Variants in COL10A1 observed in about 807,000 individuals in gnomAD.
COL10A1 encodes collagen type X alpha 1 chain.
In COL10A1, 10 loss-of-function variants were observed where a neutral mutation model predicts 18.2. That is an observed-to-expected ratio of 0.55 (90% CI 0.34 to 0.93). The LOEUF (loss-of-function observed/expected upper bound fraction) is 0.93, where lower values mean the gene tolerates loss of function less well. Among genes scored for constraint, COL10A1 ranks in the 40% least tolerant of loss-of-function variants. COL10A1 has a pLI of 0.02. For synonymous variants in COL10A1, 330 were observed against 316.6 expected, an observed-to-expected ratio of 1.04 and a Z score of -0.45; for missense variants, 897 against 853.5, an observed-to-expected ratio of 1.05 and a Z score of -0.64.
chr6:116,186,512 G>C, the COL10A1 span, among the ~76,000 whole-genome samples: 1 of 151,986 alleles, frequency 6.6e-6, no homozygotes, highest in East Asian at 1.9e-4. Flanking sequence ...AGGAACACCA[G>C]TTGTTCTTAG....
the COL10A1 span, among the ~76,000 whole-genome samples, chr6:116,184,971 G>A: frequency 6.6e-6 from 1 of 151,824 alleles, no homozygotes; most frequent in Non-Finnish European, 1.5e-5. Context: ...ACCTTAGATT[G>A]TCTATTTGTG....
chr6:116,123,574 T>C (rs1779201806), intron 2 of COL10A1, among the ~76,000 whole-genome samples: 1 of 152,256 alleles, frequency 6.6e-6, no homozygotes, highest in African/African-American at 2.4e-5. Flanking sequence ...AACTCTTTTT[T>C]AACCTGTGTT....
upstream of COL10A1, among the ~76,000 whole-genome samples, chr6:116,126,465 A>G (rs1779315259): frequency 6.6e-6 from 1 of 152,132 alleles, no homozygotes; most frequent in Non-Finnish European, 1.5e-5. Context: ...TCTTATGTTA[A>G]TTGGTTGATA....
chr6:116,128,784 A>G (rs559688886), upstream of COL10A1, among the ~76,000 whole-genome samples: 4 of 152,200 alleles, frequency 2.6e-5, no homozygotes, highest in Non-Finnish European at 4.4e-5. Flanking sequence ...TTCAAAGACT[A>G]TATTTTCATG....
chr6:116,125,522 A>G lies in COL10A1; in HGVS notation c.-15-15T>C. On this transcript the variant is annotated splice_polypyrimidine_tract_variant and intron_variant, in intron 1 of 2. Coordinates refer to ENST00000651968, the MANE Select transcript of COL10A1 (RefSeq NM_000493.4). ...TCAGATGGATTCTGAAAAACAGAAAAGAATAACTTTATACAGCATTGTTAT... is the reference window on the plus strand; with the variant it reads ...TCAGATGGATTCTGAAAAACAGAAAGGAATAACTTTATACAGCATTGTTAT... The G allele has an allele frequency of 6.2e-7, 1 of 1,611,340 alleles. No individual in the cohort carries two copies. The highest frequency in any genetic ancestry group is 1.1e-5 in the South Asian group (1 of 90,944).
At chr6:116,158,100 C>CT (rs146267631) in intron 1 of COL10A1, among the ~76,000 whole-genome samples, 1 of 152,142 alleles carries the variant, frequency 6.6e-6, no homozygotes. Context: ...ACTACAAGAA[C>CT]TTTCTAGTTT....
In COL10A1 at chr6:116,120,423, T is replaced by C; in HGVS notation, c.1693A>G (p.Ile565Val). Reference sequence around the variant, plus strand: ...TTATCAAATGGTATGGGAGTTCCTATTGCTGGGTAAGCTTTGGAGAGAATA... The same window carrying C: ...TTATCAAATGGTATGGGAGTTCCTACTGCTGGGTAAGCTTTGGAGAGAATA... Reference protein sequence around the residue: ...TVILSKAYPAIGTPIPFDKIL... With the variant: ...TVILSKAYPAVGTPIPFDKIL... The change falls in exon 3 of 3, where the codon ATA becomes GTA. Residue 565 changes from isoleucine to valine, a missense_variant. By Grantham distance (29) the Ile-to-Val change is conservative. Transcript: ENST00000651968. The C allele has an allele frequency of 6.2e-7, 1 of 1,614,288 alleles. No individual in the cohort carries two copies. The highest frequency in any genetic ancestry group is 1.1e-5 in the South Asian group (1 of 91,088).
In COL10A1 at chr6:116,121,656, C is replaced by T. The variant is rs886060993; in HGVS notation, c.460G>A (p.Val154Met). 1 of 1,614,056 alleles carries T rather than the reference C, an allele frequency of 6.2e-7. No homozygotes were observed. The highest frequency in any genetic ancestry group is 2.2e-5 in the East Asian group (1 of 44,878). Residue 154 changes from valine (V) to methionine (M), a missense_variant, in exon 3 of 3, where the codon GTG becomes ATG. Coordinates refer to ENST00000651968, the MANE Select transcript of COL10A1 (RefSeq NM_000493.4). ...CCCTGTTGTCCAGGTTTTCCTGGCA[C>T]AGAAATTCCAGCCGGTCCAGGGATT... ...PGIPGPAGISVPGKPGQQGPT... is the reference protein window; with the variant it reads ...PGIPGPAGISMPGKPGQQGPT...
At position 116,141,220 on chromosome 6, in the gene COL10A1, C is replaced by T. The variant is rs190623651; in HGVS notation, c.-15-15713G>A. Among the ~76,000 whole-genome samples, 95 of 150,866 alleles carry T rather than the reference C, an allele frequency of 6.3e-4. No individual in the cohort carries two copies. In the Middle Eastern group the frequency reaches 0.01, roughly 17 times the overall value. On this transcript the variant is annotated intron_variant, in intron 1 of 1. Coordinates refer to the COL10A1 transcript ENST00000418500. ...GTTGATTGGCCATTTGTGTTTACTC[C>T]TCTCTCAAATACCTGATTGTACCTT...
chr6:116,153,095 A>G (rs1780090109), intron 1 of COL10A1, among the ~76,000 whole-genome samples: 1 of 151,928 alleles, frequency 6.6e-6, no homozygotes, highest in Admixed American at 6.6e-5. Context: ...AAAATCCCTG[A>G]TATATTAATA....
At chr6:116,195,294 A>G in the COL10A1 span, among the ~76,000 whole-genome samples, 4 of 152,224 alleles carry the variant, frequency 2.6e-5, no homozygotes, top group Admixed American at 1.3e-4. Flanking sequence ...CAATTTCGCT[A>G]TTAAAATTAT....
chr6:116,155,338 T>C (rs1780159563), intron 1 of COL10A1, among the ~76,000 whole-genome samples: 1 of 152,274 alleles, frequency 6.6e-6, no homozygotes, highest in Admixed American at 6.5e-5. Context: ...GACCAATTCA[T>C]TTAGCACTTT....
intron 1 of COL10A1, among the ~76,000 whole-genome samples, chr6:116,136,155 T>C (rs1337289514): frequency 6.6e-6 from 1 of 152,074 alleles, no homozygotes; most frequent in African/African-American, 2.4e-5. Flanking sequence ...TTTTGACTTT[T>C]TTAGGTTACA....
At chr6:116,138,413 A>G (rs1402651952) in intron 1 of COL10A1, among the ~76,000 whole-genome samples, 5 of 152,186 alleles carry the variant, frequency 3.3e-5, no homozygotes, top group African/African-American at 9.7e-5. Context: ...TGAAAGTGTA[A>G]TCCCACTACG....
At chr6:116,177,934 T>A in the COL10A1 span, among the ~76,000 whole-genome samples, 1 of 152,082 alleles carries the variant, frequency 6.6e-6, no homozygotes, top group African/African-American at 2.4e-5. Context: ...TCCTTAGAGA[T>A]TGGAGATTAG....
chr6:116,215,898 C>T, the COL10A1 span, among the ~76,000 whole-genome samples: 107 of 152,222 alleles, frequency 7.0e-4, no homozygotes, highest in Non-Finnish European at 1.2e-3. Flanking sequence ...GTATTCAGCA[C>T]AGAGTCAGGC....
At chr6:116,213,306 A>G in the COL10A1 span, among the ~76,000 whole-genome samples, 6 of 152,108 alleles carry the variant, frequency 3.9e-5, no homozygotes, top group Non-Finnish European at 7.4e-5. Context: ...CTCAACACTC[A>G]GCTGGGGCTG....
chr6:116,169,668 A>G, the COL10A1 span, among the ~76,000 whole-genome samples: 1 of 152,214 alleles, frequency 6.6e-6, no homozygotes, highest in Non-Finnish European at 1.5e-5. Flanking sequence ...ATTTTAACAA[A>G]TGGATAAAAC....
rs1369387732 is a variant in COL10A1, at chr6:116,121,475, G to C, written c.641C>G (p.Ser214Cys). The C allele has an allele frequency of 6.2e-7, 1 of 1,614,162 alleles. No homozygotes were observed. The highest frequency in any genetic ancestry group is 8.5e-7 in the Non-Finnish European group (1 of 1,180,014). ...LPGPQGPTGP[S>C]GPPGVGKRGE... The stretch of plus-strand genomic sequence containing the variant: ...TCTTTTTCCCACTCCAGGAGGGCCA[G>C]ATGGTCCTGTGGGACCCTGAGGGCC... The change falls in exon 3 of 3, where the codon TCT becomes TGT. Residue 214 changes from serine (S) to cysteine (C), a missense_variant. Physicochemically the swap from Ser to Cys is moderately radical, Grantham distance 112. Transcript: ENST00000651968.
Sources: allele counts gnomAD v4.1 joint callset (sites outside exome capture counted in the v4.1 genomes callset), GRCh38; gene constraint gnomAD v4.1.1; transcripts MANE v1.5; gene names NCBI Gene and HGNC (gene_info 2026-07-23, HGNC 2026-07-21).